The following GBP2 variants were observed in gnomAD, a reference collection of about 807,000 sequenced individuals.
The protein encoded by GBP2 is guanylate-binding protein 2.
GBP2 carries 54 observed loss-of-function variants against 60.8 expected under a neutral mutation model. That is an observed-to-expected ratio of 0.89 (90% CI 0.71 to 1.11). The LOEUF (loss-of-function observed/expected upper bound fraction) is 1.11. Ranked by LOEUF, GBP2 falls within the 50% of genes most tolerant of loss-of-function variation. The pLI is 0.00. For missense variants in GBP2, 665 were observed against 703.3 expected (o/e 0.95, Z 0.62); for synonymous variants, 243 against 256.5 (o/e 0.95, Z 0.50).
chr1:89,108,050 C>T lies in GBP2; in HGVS notation c.*125G>A. The T allele has an allele frequency of 1.5e-6, 1 of 646,774 alleles. No individual in the cohort carries two copies. The highest frequency in any genetic ancestry group is 1.8e-5 in the South Asian group (1 of 54,516). 40.1% of individuals were successfully genotyped at this position (646,774 alleles called of 1,614,324 possible). A position where few individuals can be genotyped will look rare whatever the true frequency, so the allele number is the denominator to read the frequency against. On this transcript the variant is annotated 3_prime_UTR_variant, in exon 11 of 11. Coordinates refer to ENST00000370466, the MANE Select transcript of GBP2 (RefSeq NM_004120.5). ...TTACTTTGCAAACTTTATGGTTCAACAAAAATGCATGCATCATGATTTTGA... is the reference window on the plus strand; with the variant it reads ...TTACTTTGCAAACTTTATGGTTCAATAAAAATGCATGCATCATGATTTTGA...
Position 89,122,706 on chromosome 1 carries a change from T to C in GBP2, c.-17-723A>G, listed in dbSNP as rs563567833. Among the ~76,000 whole-genome samples the C allele has an allele frequency of 2.0e-5, 3 of 152,328 alleles. No homozygotes were observed. In the South Asian group the frequency reaches 6.2e-4, roughly 32 times the overall value. On this transcript the variant is annotated intron_variant, in intron 1 of 10. Coordinates refer to ENST00000370466, the MANE Select transcript of GBP2 (RefSeq NM_004120.5). ...CAGGTTTCTCTACCACAAAGTGTTA[T>C]GTACCATTTTGTCACTAAAAAGTAC...
chr1:89,122,598 G>A (rs1163521675), intron 1 of GBP2, among the ~76,000 whole-genome samples: 1 of 152,038 alleles, frequency 6.6e-6, no homozygotes, highest in African/African-American at 2.4e-5. Context: ...TCAGTGTCTT[G>A]TATTAAGGGA....
rs1249972085 is a variant in GBP2, at chr1:89,106,460, A to C, written c.*1715T>G. 3 of 152,218 alleles carry C rather than the reference A, an allele frequency of 2.0e-5. No homozygotes were observed. Among genetic ancestry groups the C allele is most frequent in the Non-Finnish European group, 4.4e-5 (3 of 68,034 alleles). The allele number at this position is 152,218 out of a possible 1,614,324, so 9.4% of individuals were successfully genotyped here. On this transcript the variant is annotated 3_prime_UTR_variant, in exon 11 of 11. Coordinates refer to ENST00000370466, the MANE Select transcript of GBP2 (RefSeq NM_004120.5). ...TTAAGTATCATTGTTAAAAACTAAGAATAACTTAAAGAATATTAACAAAGT... is the reference window on the plus strand; with the variant it reads ...TTAAGTATCATTGTTAAAAACTAAGCATAACTTAAAGAATATTAACAAAGT...
intron 6 of GBP2, among the ~76,000 whole-genome samples, chr1:89,116,358 G>A (rs765958797): frequency 1.1e-4 from 16 of 152,026 alleles, no homozygotes; most frequent in Non-Finnish European, 2.1e-4. Context: ...GACTTTCACA[G>A]ACAAGCATTC....
At chr1:89,120,655 T>G (rs1171287913) in intron 3 of GBP2, among the ~76,000 whole-genome samples, 1 of 152,188 alleles carries the variant, frequency 6.6e-6, no homozygotes, top group African/African-American at 2.4e-5. Flanking sequence ...TAAGCTCCTT[T>G]AATAAAAGCT....
At chr1:89,124,011 CACATCACTTAGAA>C (rs1178707010) in intron 1 of GBP2, among the ~76,000 whole-genome samples, 1 of 152,114 alleles carries the variant, frequency 6.6e-6, no homozygotes, top group Admixed American at 6.6e-5. Context: ...ACAAAAAGAT[CACATCACTTAGAA>C]ATATGGGAGT....
chr1:89,111,376 G>A (rs1311193115), intron 8 of GBP2, among the ~76,000 whole-genome samples: 1 of 152,108 alleles, frequency 6.6e-6, no homozygotes, highest in Middle Eastern at 3.2e-3. Flanking sequence ...CTCCTTTATT[G>A]CAGATGGTAT....
At position 89,114,187 on chromosome 1, in the gene GBP2, C is replaced by T. The variant is rs368042316; in HGVS notation, c.978G>A (p.Val326=). Residue 326 remains valine, a synonymous_variant, in exon 7 of 11, where the codon GTG becomes GTA. Transcript: ENST00000370466. Reference sequence around the variant, plus strand: ...GTTCATAGTGGGCAATAGCCTTTTCCACTGCGGCTGAGTTCTCTATCTGGG... The same window carrying T: ...GTTCATAGTGGGCAATAGCCTTTTCTACTGCGGCTGAGTTCTCTATCTGGG... The part of the protein sequence containing the change: ...ALAQIENSAA[V]EKAIAHYEQQ... The T allele has an allele frequency of 1.2e-6, 2 of 1,614,110 alleles. No homozygotes were observed. Among genetic ancestry groups the T allele is most frequent in the Non-Finnish European group, 1.7e-6 (2 of 1,180,050 alleles).
Position 89,121,923 on chromosome 1 carries a change from T to C in GBP2, c.44A>G (p.Asp15Gly). 1.2e-6 allele frequency: 2 copies of C among 1,613,972 alleles called. No individual in the cohort carries two copies. Among genetic ancestry groups the C allele is most frequent in the East Asian group, 2.2e-5 (1 of 44,872 alleles). Residue 15 changes from aspartate (D) to glycine (G), a missense_variant, in exon 2 of 11, where the codon GAT becomes GGT. Asp to Gly is a moderately conservative substitution (Grantham distance 94). Transcript: ENST00000370466. Reference sequence around the variant, plus strand: ...CACCACCAGCTGCCCTTTAGTGTTATCAATGAGGCTCATTGGGCCCGGCAA... The same window carrying C: ...CACCACCAGCTGCCCTTTAGTGTTACCAATGAGGCTCATTGGGCCCGGCAA... ...INLPGPMSLI[D>G]NTKGQLVVNP...
chr1:89,125,486 T>G (rs1386939216), intron 1 of GBP2, among the ~76,000 whole-genome samples: 2 of 152,234 alleles, frequency 1.3e-5, no homozygotes, highest in Non-Finnish European at 2.9e-5. Flanking sequence ...ATAAGCTCCC[T>G]AATTATAATA....
intron 10 of GBP2, among the ~76,000 whole-genome samples, chr1:89,109,127 T>C (rs1434713020): frequency 1.3e-5 from 2 of 152,110 alleles, no homozygotes; most frequent in Non-Finnish European, 2.9e-5. Flanking sequence ...ACTCCCGACC[T>C]GAGGTGATCC....
At chr1:89,121,308 T>C (rs998103479) in intron 2 of GBP2, 38 bp from the exon 3 acceptor site, 23 of 1,535,088 alleles carry the variant, frequency 1.5e-5, no homozygotes, top group Non-Finnish European at 2.0e-5. Context: ...AGAAATTACT[T>C]AGTAGGTGTT....
rs1406605492 is a variant in GBP2, at chr1:89,107,219, G to A, written c.*956C>T. On this transcript the variant is annotated 3_prime_UTR_variant, in exon 11 of 11. Coordinates refer to ENST00000370466, the MANE Select transcript of GBP2 (RefSeq NM_004120.5). ...TCAATCTGTCATTTTTTTTTTTTTA[G>A]TAAGTCATTTACCCTGAGTAGCTTT... 6.8e-6 allele frequency among the ~76,000 whole-genome samples: 1 copy of A among 147,904 alleles called. No homozygotes were observed. The highest frequency in any genetic ancestry group is 1.5e-5 in the Non-Finnish European group (1 of 67,114).
In GBP2 at chr1:89,106,853, T is replaced by G. The variant is rs1264194573; in HGVS notation, c.*1322A>C. On this transcript the variant is annotated 3_prime_UTR_variant, in exon 11 of 11. Coordinates refer to ENST00000370466, the MANE Select transcript of GBP2 (RefSeq NM_004120.5). ...ATGGGGTAGGGGAGTATTTGTTTAC[T>G]GAAAATGTGAAGGTGGTGGCATCCA... The G allele has an allele frequency of 6.6e-6, 1 of 152,232 alleles. No individual in the cohort carries two copies. The highest frequency in any genetic ancestry group is 1.5e-5 in the Non-Finnish European group (1 of 68,050). The allele number at this position is 152,232 out of a possible 1,614,324, so 9.4% of individuals were successfully genotyped here.
rs116706361 is a variant in GBP2 at position 89,114,309 on chromosome 1, A to T, written c.869-13T>A. The stretch of plus-strand genomic sequence containing the variant: ...AGGCTCTCTAGACCTGCAAAAGGGA[A>T]TTTTTAAAAAAATGTGACTATCAGT... On this transcript the variant is annotated splice_polypyrimidine_tract_variant and intron_variant, in intron 6 of 10. Coordinates refer to ENST00000370466, the MANE Select transcript of GBP2 (RefSeq NM_004120.5). 3,389 of 1,607,172 alleles carry T rather than the reference A, an allele frequency of 2.1e-3. 55 individuals carry two copies. The African/African-American group carries it at 0.039, about 19-fold the overall frequency.
Position 89,111,239 on chromosome 1 carries a change from C to T in GBP2, c.1363-973G>A, listed in dbSNP as rs141464289. Among the ~76,000 whole-genome samples, 289 of 152,252 alleles carry T rather than the reference C, an allele frequency of 1.9e-3. 1 individual carries two copies. The highest frequency in any genetic ancestry group is 6.6e-3 in the African/African-American group (273 of 41,542). On this transcript the variant is annotated intron_variant, in intron 8 of 10. Coordinates refer to ENST00000370466, the MANE Select transcript of GBP2 (RefSeq NM_004120.5). ...CAACAAAAATACTTTCCTCTGACAT[C>T]TGGAATACAACAAATATGCCTACAT...
Position 89,121,956 on chromosome 1 carries a change from T to C in GBP2, c.11A>G (p.Glu4Gly). Reference protein sequence around the residue: MAPEINLPGPMSLI... With the variant: MAPGINLPGPMSLI... The stretch of plus-strand genomic sequence containing the variant: ...GCTCATTGGGCCCGGCAAGTTGATC[T>C]CTGGAGCCATGTCCAGGGTGTTGTT... Residue 4 changes from glutamate to glycine, a missense_variant, in exon 2 of 11, where the codon GAG (glutamate) becomes GGG (glycine). Coordinates refer to ENST00000370466, the MANE Select transcript of GBP2 (RefSeq NM_004120.5). 2 of 1,612,588 alleles carry C rather than the reference T, an allele frequency of 1.2e-6. No individual in the cohort carries two copies. The highest frequency in any genetic ancestry group is 1.7e-4 in the Middle Eastern group (1 of 6,052).
chr1:89,124,359 A>G (rs1046395065), intron 1 of GBP2, among the ~76,000 whole-genome samples: 1 of 152,220 alleles, frequency 6.6e-6, no homozygotes, highest in African/African-American at 2.4e-5. Flanking sequence ...CCACCAGATC[A>G]TCTTGTATCT....
Position 89,117,756 on chromosome 1 carries a change from G to T in GBP2, c.446C>A (p.Thr149Lys). Residue 149 changes from threonine to lysine, a missense_variant, in exon 5 of 11, where the codon ACA becomes AAA. Transcript: ENST00000370466. ...TGAGGAGTTTGCCTTGATTCGATCT[G>T]TCAGCTCTGTCACATAGCTGAGATG... ...MDQLHYVTELTDRIKANSSPG... is the reference protein window; with the variant it reads ...MDQLHYVTELKDRIKANSSPG... The T allele has an allele frequency of 6.2e-7, 1 of 1,609,856 alleles. No homozygotes were observed. The highest frequency in any genetic ancestry group is 8.5e-7 in the Non-Finnish European group (1 of 1,178,318).
Sources: gnomAD v4.1 joint callset for allele counts (sites outside exome capture counted in the v4.1 genomes callset) on GRCh38, gnomAD v4.1.1 for gene constraint, MANE v1.5 for transcripts, NCBI Gene and HGNC (gene_info 2026-07-23, HGNC 2026-07-21) for gene names.